Variants in MYO7A observed in about 807,000 individuals in gnomAD.
MYO7A encodes the protein unconventional myosin-VIIa.
In MYO7A, 210 loss-of-function variants were observed where a neutral mutation model predicts 263.8. The observed-to-expected ratio is 0.80, with a 90% CI of 0.71 to 0.89. The LOEUF is 0.89. Ranked by LOEUF, MYO7A falls within the 40% of genes least tolerant of loss-of-function variation. The pLI is 0.00. For synonymous variants in MYO7A, 1,239 were observed against 1,197.3 expected (o/e 1.03, Z -0.72); for missense variants, 2,820 against 2,968.3 (o/e 0.95, Z 1.16).
rs1591479985 is a variant in MYO7A at position 77,204,285 on chromosome 11, G to T, written c.5480+56G>T. 3 of 1,539,650 alleles carry T rather than the reference G, an allele frequency of 1.9e-6. No homozygotes were observed. In the East Asian group the frequency reaches 7.4e-5, roughly 38 times the overall value. On this transcript the variant is annotated intron_variant, in intron 39 of 48. Transcript: ENST00000409709. The stretch of plus-strand genomic sequence containing the variant: ...CAGACCTCACCTGCTGTGACGGGCA[G>T]CTCTTACCCTCCTGAGGCAGCTGCT...
intron 31 of MYO7A, among the ~76,000 whole-genome samples, chr11:77,193,268 GTGA>G (rs1956355162): frequency 6.8e-6 from 1 of 145,998 alleles, no homozygotes; most frequent in South Asian, 2.2e-4. Flanking sequence ...GGTGGTGGTG[GTGA>G]TGGTGGAGGT....
chr11:77,160,404 C>A, intron 11 of MYO7A, 122 bp downstream of exon 11: 1 of 1,382,420 alleles, frequency 7.2e-7, no homozygotes, highest in Admixed American at 2.3e-5. Flanking sequence ...CCTGCCTGCC[C>A]CGGGGCTGCA....
At position 77,204,363 on chromosome 11, in the gene MYO7A, G is replaced by C. The variant is rs894582427; in HGVS notation, c.5480+134G>C. The C allele has an allele frequency of 3.4e-5, 43 of 1,264,316 alleles. 2 individuals carry two copies. Among genetic ancestry groups the C allele is most frequent in the Admixed American group, 1.2e-4 (5 of 42,904 alleles). The allele number at this position is 1,264,316 out of a possible 1,614,324, so 78.3% of individuals were successfully genotyped here. Reference sequence around the variant, plus strand: ...ACACAGAGCCGGGAGCTGCTCATGGGCCCCCTCACATCCTAGCTTGGCCCC... The same window carrying C: ...ACACAGAGCCGGGAGCTGCTCATGGCCCCCCTCACATCCTAGCTTGGCCCC... On this transcript the variant is annotated intron_variant, in intron 39 of 48. Transcript: ENST00000409709.
Position 77,147,861 on chromosome 11 carries a change from G to C in MYO7A, c.196G>C (p.Gly66Arg). ...IKPMHPTSVH[G>R]VEDMIRLGDL... is the part of the protein sequence containing the mutation. Reference sequence around the variant, plus strand: ...GCCTATGCACCCCACGTCGGTCCACGGCGTGGAGGACATGATCCGCCTGGG... The same window carrying C: ...GCCTATGCACCCCACGTCGGTCCACCGCGTGGAGGACATGATCCGCCTGGG... Residue 66 changes from glycine to arginine, a missense_variant, in exon 4 of 49, where the codon GGC becomes CGC. Physicochemically the swap from Gly to Arg is moderately radical, Grantham distance 125. Transcript: ENST00000409709. The C allele has an allele frequency of 6.2e-7, 1 of 1,607,556 alleles. No individual in the cohort carries two copies. The highest frequency in any genetic ancestry group is 8.5e-7 in the Non-Finnish European group (1 of 1,177,788).
At chr11:77,200,547 C>A (rs576166486) in intron 35 of MYO7A, among the ~76,000 whole-genome samples, 17 of 152,326 alleles carry the variant, frequency 1.1e-4, no homozygotes, top group Admixed American at 9.1e-4. Context: ...CCACTGCCAA[C>A]ACTGGGAGAT....
chr11:77,182,028 G>A lies in MYO7A; in HGVS notation c.2982G>A (p.Glu994=). 1 of 1,613,444 alleles carries A rather than the reference G, an allele frequency of 6.2e-7. No homozygotes were observed. Among genetic ancestry groups the A allele is most frequent in the Non-Finnish European group, 8.5e-7 (1 of 1,179,826 alleles). ...TGCCCCTGCCTGACGAGGATGAGGAGGACCTCTCTGAGTATAAATTTGCCA... is the reference window on the plus strand; with the variant it reads ...TGCCCCTGCCTGACGAGGATGAGGAAGACCTCTCTGAGTATAAATTTGCCA... ...AALPLPDEDE[E]DLSEYKFAKF... The change falls in exon 24 of 49, where the codon GAG becomes GAA. Residue 994 remains glutamate (E), a synonymous_variant. Coordinates refer to ENST00000409709, the MANE Select transcript of MYO7A (RefSeq NM_000260.4).
chr11:77,184,739 C>T (rs1218913902), intron 27 of MYO7A, 24 bp downstream of exon 27: 7 of 474,346 alleles, frequency 1.5e-5, no homozygotes, highest in Non-Finnish European at 1.9e-5. Context: ...GGCGGGGACA[C>T]CAGGGCCTGA....
chr11:77,183,113 C>T lies in MYO7A; in HGVS notation c.3331C>T (p.Leu1111=). Residue 1111 remains leucine (L), a synonymous_variant, in exon 26 of 49, where the codon CTG becomes TTG. Transcript: ENST00000409709. ...GAAGAAGAGCAGTGTGAGGCACAAG[C>T]TGGTGCATTTGACTCTGAAAAAGAA... is the stretch of plus-strand genomic sequence containing the variant. ...GQKKSSVRHK[L]VHLTLKKKSK... is the part of the protein sequence containing the mutation. 6.4e-7 allele frequency: 1 copy of T among 1,552,294 alleles called. No individual in the cohort carries two copies. The highest frequency in any genetic ancestry group is 1.2e-5 in the South Asian group (1 of 84,088).
chr11:77,160,121 G>T, intron 10 of MYO7A, 42 bp from the exon 11 acceptor site: 1 of 1,539,486 alleles, frequency 6.5e-7, no homozygotes, highest in Non-Finnish European at 8.8e-7. Flanking sequence ...TGGAGGGAGG[G>T]GCAGGCTGGC....
chr11:77,166,060 C>T lies in MYO7A; in HGVS notation c.1695C>T (p.Phe565=), dbSNP rs567446969. ...AGIVYYETQG[F]LEKNRDTLHG... ...ACTGCTGTTTGCTGCTTGCAGGCTT[C>T]CTGGAGAAGAACCGAGACACCCTGC... Residue 565 remains phenylalanine, a synonymous_variant, in exon 15 of 49, where the codon TTC becomes TTT. Transcript: ENST00000409709. The T allele has an allele frequency of 1.2e-6, 2 of 1,613,366 alleles. No individual in the cohort carries two copies. The highest frequency in any genetic ancestry group is 2.2e-5 in the East Asian group (1 of 44,858).
intron 38 of MYO7A, 68 bp from the exon 39 acceptor site, chr11:77,204,008 G>A (rs1957257622): frequency 3.4e-6 from 5 of 1,477,784 alleles, no homozygotes; most frequent in South Asian, 1.3e-5. Context: ...CCTGTGGGAA[G>A]TGGGGCCTCC....
chr11:77,133,080 G>A (rs936049592), intron 2 of MYO7A, among the ~76,000 whole-genome samples: 1 of 152,222 alleles, frequency 6.6e-6, no homozygotes, highest in Non-Finnish European at 1.5e-5. Flanking sequence ...ACCTAGGAAA[G>A]GCACTGTGAC....
chr11:77,160,108 G>A (rs1952845602), intron 10 of MYO7A, 55 bp from the exon 11 acceptor site: 13 of 1,532,872 alleles, frequency 8.5e-6, no homozygotes, highest in South Asian at 3.6e-5. Context: ...ATCCGGGTGT[G>A]GGTGGAGGGA....
chr11:77,179,338 T>C (rs1555082271), intron 20 of MYO7A, among the ~76,000 whole-genome samples: 1 of 152,220 alleles, frequency 6.6e-6, no homozygotes, highest in Non-Finnish European at 1.5e-5. Context: ...TGTTTGTTGC[T>C]CTCCTTCTGG....
chr11:77,181,755 C>A (rs1330613913), intron 23 of MYO7A, among the ~76,000 whole-genome samples, 166 bp downstream of exon 23: 1 of 149,616 alleles, frequency 6.7e-6, no homozygotes, highest in Non-Finnish European at 1.5e-5. Context: ...CCCTCTCCAA[C>A]GCCCTTCTCA....
chr11:77,207,963 C>T (rs941525673), intron 42 of MYO7A, among the ~76,000 whole-genome samples: 3 of 152,316 alleles, frequency 2.0e-5, no homozygotes, highest in African/African-American at 4.8e-5. Context: ...GCCTCCCTGA[C>T]CGAGTTGGGT....
chr11:77,173,656 C>A (rs1565386464), intron 16 of MYO7A, among the ~76,000 whole-genome samples: 3 of 152,118 alleles, frequency 2.0e-5, no homozygotes, highest in Admixed American at 6.5e-5. Context: ...CAGGGGGAAG[C>A]TGGGGCCTCG....
chr11:77,163,102 T>TCA, intron 14 of MYO7A, 114 bp downstream of exon 14: 1 of 1,077,832 alleles, frequency 9.3e-7, no homozygotes, highest in Non-Finnish European at 1.3e-6. Context: ...TTGTGATTAT[T>TCA]CATATATATA....
At chr11:77,161,566 A>G (rs1952998676) in intron 12 of MYO7A, among the ~76,000 whole-genome samples, 1 of 152,210 alleles carries the variant, frequency 6.6e-6, no homozygotes. Flanking sequence ...CCTGCTGGAA[A>G]GTCAGGACCT....
Sources: gnomAD v4.1 joint callset for allele counts (sites outside exome capture counted in the v4.1 genomes callset) on GRCh38, gnomAD v4.1.1 for gene constraint, MANE v1.5 for transcripts, NCBI Gene and HGNC (gene_info 2026-07-23, HGNC 2026-07-21) for gene names.